Variants in MTX2 observed in about 807,000 individuals in gnomAD.
MTX2 encodes the protein metaxin 2, also known as metaxin-2.
In MTX2, 35 loss-of-function variants were observed where a neutral mutation model predicts 42.3. The observed-to-expected ratio is 0.83, with a 90% CI of 0.63 to 1.10. MTX2 has a LOEUF of 1.10. Ranked by LOEUF, MTX2 falls within the 50% of genes least tolerant of loss-of-function variation. The probability of loss-of-function intolerance (pLI) is 0.00; values close to 1 mark genes in which losing one functional copy is unlikely to be tolerated. For missense variants in MTX2, 307 were observed against 304.1 expected (o/e 1.01, Z -0.07); for synonymous variants, 119 against 100.9 (o/e 1.18, Z -1.08).
intron 9 of MTX2, among the ~76,000 whole-genome samples, chr2:176,332,347 T>G (rs530388334): frequency 6.6e-6 from 1 of 151,418 alleles, no homozygotes; most frequent in Non-Finnish European, 1.5e-5. Flanking sequence ...GTCATTACTT[T>G]GTGAGATACT....
At chr2:176,328,106 T>C (rs1055095384) in intron 5 of MTX2, among the ~76,000 whole-genome samples, 187 bp from the exon 6 acceptor site, 2 of 151,244 alleles carry the variant, frequency 1.3e-5, no homozygotes, top group African/African-American at 4.8e-5. Flanking sequence ...GACAAGTAAG[T>C]ACATACTAAT....
At chr2:176,293,587 C>T (rs1030909382) in intron 1 of MTX2, among the ~76,000 whole-genome samples, 1 of 152,044 alleles carries the variant, frequency 6.6e-6, no homozygotes, top group African/African-American at 2.4e-5. Context: ...GCATCTCCCC[C>T]CCTTCTCTTG....
intron 1 of MTX2, among the ~76,000 whole-genome samples, chr2:176,288,825 C>G (rs757962379): frequency 3.3e-5 from 5 of 151,834 alleles, no homozygotes; most frequent in Non-Finnish European, 5.9e-5. Context: ...CTTAAAGAAA[C>G]AAACAACAGA....
At chr2:176,296,833 C>T in intron 1 of MTX2, 27 bp from the exon 2 acceptor site, 1 of 1,611,858 alleles carries the variant, frequency 6.2e-7, no homozygotes, top group Non-Finnish European at 8.5e-7. Flanking sequence ...CTTTATGTGC[C>T]TAATTATCAC....
chr2:176,320,363 A>C (rs551160985), intron 3 of MTX2, among the ~76,000 whole-genome samples: 60 of 152,334 alleles, frequency 3.9e-4, no homozygotes, highest in African/African-American at 1.4e-3. Flanking sequence ...CATGTAGTTT[A>C]GCAAAATATA....
In MTX2 at chr2:176,330,574, C is replaced by T; in HGVS notation, c.544-10C>T. ...AAATACTTTTCCTTGGGGTTCATTG[C>T]CTGTGTTAGGTCTTAGAGGATGTAG... is the stretch of plus-strand genomic sequence containing the variant. On this transcript the variant is annotated splice_polypyrimidine_tract_variant and intron_variant, in intron 8 of 9. Transcript: ENST00000249442. The T allele has an allele frequency of 1.3e-6, 2 of 1,519,916 alleles. No individual in the cohort carries two copies. The highest frequency in any genetic ancestry group is 1.4e-5 in the South Asian group (1 of 71,952). 94.2% of individuals were successfully genotyped at this position (1,519,916 alleles called of 1,614,324 possible). A position where few individuals can be genotyped will look rare whatever the true frequency, so the allele number is the denominator to read the frequency against.
At chr2:176,270,809 C>T (rs1279147475) in intron 1 of MTX2, among the ~76,000 whole-genome samples, 1 of 151,682 alleles carries the variant, frequency 6.6e-6, no homozygotes, top group African/African-American at 2.4e-5. Flanking sequence ...TGTTTTGTTC[C>T]CCATTGTATC....
intron 1 of MTX2, among the ~76,000 whole-genome samples, chr2:176,288,059 A>G (rs1693247966): frequency 6.6e-6 from 1 of 152,084 alleles, no homozygotes; most frequent in African/African-American, 2.4e-5. Flanking sequence ...TTCTGCTTAC[A>G]CATCCTGTAT....
At chr2:176,282,638 A>G (rs1008623105) in intron 1 of MTX2, among the ~76,000 whole-genome samples, 3 of 151,920 alleles carry the variant, frequency 2.0e-5, no homozygotes, top group Admixed American at 2.0e-4. Context: ...GTATATTAAG[A>G]ATTATTGATT....
rs1207416607 is a variant in MTX2, at chr2:176,313,388, C to CTTTTTTTTT, written c.136-9991_136-9983dup. Among the ~76,000 whole-genome samples, 53 of 103,484 alleles carry CTTTTTTTTT rather than the reference C, an allele frequency of 5.1e-4. 2 individuals carry two copies. Among genetic ancestry groups the CTTTTTTTTT allele is most frequent in the African/African-American group, 2.1e-3 (52 of 25,358 alleles). 67.9% of individuals were successfully genotyped at this position (103,484 alleles called of 152,430 possible). A position where few individuals can be genotyped will look rare whatever the true frequency, so the allele number is the denominator to read the frequency against. ...AACTTCTTATTGTTCTACACTGATT[C>CTTTTTTTTT]TTTTTTTTTTTTTTTTTTTTTGGAG... On this transcript the variant is annotated intron_variant, in intron 3 of 9. Coordinates refer to ENST00000249442, the MANE Select transcript of MTX2 (RefSeq NM_006554.5).
intron 3 of MTX2, among the ~76,000 whole-genome samples, chr2:176,302,955 T>C (rs887332991): frequency 1.9e-4 from 29 of 152,256 alleles, no homozygotes; most frequent in African/African-American, 7.0e-4. Flanking sequence ...GGCTGCAGGT[T>C]GATTACTGCC....
chr2:176,319,566 G>GTTTGT (rs753927220), intron 3 of MTX2, among the ~76,000 whole-genome samples: 5 of 150,210 alleles, frequency 3.3e-5, no homozygotes, highest in African/African-American at 7.4e-5. Flanking sequence ...TAATTTTTTT[G>GTTTGT]TTTGTTTTGT....
chr2:176,299,486 A>T (rs935235797), intron 3 of MTX2, among the ~76,000 whole-genome samples: 13 of 152,270 alleles, frequency 8.5e-5, no homozygotes, highest in African/African-American at 2.6e-4. Flanking sequence ...CATAGTTGCA[A>T]TTAAAAATAA....
At chr2:176,286,874 C>G (rs1693217163) in intron 1 of MTX2, among the ~76,000 whole-genome samples, 1 of 152,108 alleles carries the variant, frequency 6.6e-6, no homozygotes, top group South Asian at 2.1e-4. Context: ...TAATCTTTTG[C>G]TTACTACCTT....
At chr2:176,329,241 G>T in intron 7 of MTX2, 60 bp from the exon 8 acceptor site, 1 of 1,503,682 alleles carries the variant, frequency 6.7e-7, no homozygotes, top group South Asian at 1.4e-5. Flanking sequence ...AATTCTATTT[G>T]TAAAAACGGG....
intron 1 of MTX2, among the ~76,000 whole-genome samples, chr2:176,288,463 A>G (rs1166124504): frequency 6.6e-6 from 1 of 151,958 alleles, no homozygotes; most frequent in Non-Finnish European, 1.5e-5. Context: ...ATTTTGTTAT[A>G]TTAGCAGTAT....
intron 3 of MTX2, among the ~76,000 whole-genome samples, chr2:176,308,033 G>T (rs1558935700): frequency 6.6e-6 from 1 of 152,108 alleles, no homozygotes; most frequent in African/African-American, 2.4e-5. Flanking sequence ...TTGGCTGTGG[G>T]TTTGTCATAA....
At chr2:176,323,579 G>A (rs1405518328) in intron 4 of MTX2, 115 bp downstream of exon 4, 3 of 942,994 alleles carry the variant, frequency 3.2e-6, no homozygotes, top group Non-Finnish European at 4.8e-6. Context: ...ACCCTTTGAA[G>A]AATCTTTCCA....
intron 3 of MTX2, among the ~76,000 whole-genome samples, chr2:176,321,994 A>C (rs1032241872): frequency 2.6e-5 from 4 of 152,130 alleles, no homozygotes; most frequent in African/African-American, 9.7e-5. Flanking sequence ...TTGAAAAAAA[A>C]AATTAAAAAT....
Sources: gnomAD v4.1 joint callset for allele counts (sites outside exome capture counted in the v4.1 genomes callset) on GRCh38, gnomAD v4.1.1 for gene constraint, MANE v1.5 for transcripts, NCBI Gene and HGNC (gene_info 2026-07-23, HGNC 2026-07-21) for gene names.